The following CRACD variants were observed in gnomAD, a reference collection of about 807,000 sequenced individuals.
CRACD encodes the protein capping protein inhibiting regulator of actin dynamics.
Under a neutral mutation model 106.8 loss-of-function variants are expected in CRACD, and 56 were observed. The observed-to-expected ratio is 0.52, with a 90% CI of 0.42 to 0.66. The LOEUF is 0.66. Ranked by LOEUF, CRACD falls within the 30% of genes least tolerant of loss-of-function variation. CRACD has a pLI of 0.00. For synonymous variants in CRACD, 754 were observed against 670.8 expected (o/e 1.12, Z -1.92); for missense variants, 1,730 against 1,623.2 (o/e 1.07, Z -1.13).
At chr4:56,163,966 T>G (rs1339177216) in intron 1 of CRACD, among the ~76,000 whole-genome samples, 1 of 152,126 alleles carries the variant, frequency 6.6e-6, no homozygotes, top group Non-Finnish European at 1.5e-5. Context: ...CAGGCTGGTC[T>G]GGAGCTCCTG....
intron 2 of CRACD, among the ~76,000 whole-genome samples, chr4:56,236,103 CAG>C (rs918452151): frequency 2.6e-4 from 39 of 152,272 alleles, no homozygotes; most frequent in African/African-American, 9.4e-4. Flanking sequence ...AGGGTCTTTA[CAG>C]AGGTGTTGCA....
intron 1 of CRACD, among the ~76,000 whole-genome samples, chr4:56,142,353 CT>C (rs1735233372): frequency 6.6e-6 from 1 of 151,994 alleles, no homozygotes; most frequent in Non-Finnish European, 1.5e-5. Flanking sequence ...TGATTTATTT[CT>C]TTGTCTTTAT....
At chr4:56,189,974 C>T (rs1248864781) in intron 2 of CRACD, among the ~76,000 whole-genome samples, 1 of 109,134 alleles carries the variant, frequency 9.2e-6, no homozygotes, top group Non-Finnish European at 1.8e-5. Context: ...CCCCCCTCCC[C>T]CCACCCCACA....
chr4:56,214,681 C>CTCTCTCTCTCTATATATATATA, intron 2 of CRACD, among the ~76,000 whole-genome samples: 9 of 80,998 alleles, frequency 1.1e-4, no homozygotes, highest in Admixed American at 2.7e-4. Flanking sequence ...CTCTCTCTCT[C>CTCTCTCTCTCTATATATATATA]TATATATATA....
At chr4:56,286,015 A>G (rs1159092196) in intron 3 of CRACD, among the ~76,000 whole-genome samples, 1 of 152,190 alleles carries the variant, frequency 6.6e-6, no homozygotes, top group African/African-American at 2.4e-5. Context: ...TTAAATGCCA[A>G]GCAACCACTG....
rs1560546229 is a variant in CRACD, at chr4:56,327,715, G to C, written c.3613G>C (p.Ala1205Pro). The C allele has an allele frequency of 6.2e-7, 1 of 1,614,150 alleles. No individual in the cohort carries two copies. Among genetic ancestry groups the C allele is most frequent in the Admixed American group, 1.7e-5 (1 of 60,012 alleles). Residue 1205 changes from alanine (A) to proline (P), a missense_variant, in exon 11 of 11, where the codon GCT becomes CCT. Coordinates refer to ENST00000682029, the MANE Select transcript of CRACD (RefSeq NM_001393381.1). ...CACCAAGAGGTTTTCCACCCCGGAT[G>C]CTGCCCCCGTGTCAACAGAACCAGC... ...EVTKRFSTPD[A>P]APVSTEPAWL... is the part of the protein sequence containing the mutation.
chr4:56,082,904 A>AC (rs1733083884), intron 1 of CRACD, among the ~76,000 whole-genome samples: 2 of 152,218 alleles, frequency 1.3e-5, no homozygotes, highest in African/African-American at 2.4e-5. Context: ...AAAGTGCATT[A>AC]GAAAGGTTGG....
intron 2 of CRACD, among the ~76,000 whole-genome samples, chr4:56,241,599 A>G (rs1740370545): frequency 6.6e-6 from 1 of 152,224 alleles, no homozygotes; most frequent in South Asian, 2.1e-4. Context: ...ATGTAAAGAT[A>G]AGGAGGACAT....
At chr4:56,249,767 T>C (rs1371482636) in intron 2 of CRACD, among the ~76,000 whole-genome samples, 11 of 152,150 alleles carry the variant, frequency 7.2e-5, no homozygotes, top group East Asian at 1.9e-4. Context: ...TAGGAAATAG[T>C]TTGGTTTCTG....
chr4:56,125,768 T>C lies in CRACD; in HGVS notation c.-335-53516T>C, dbSNP rs1376526152. On this transcript the variant is annotated intron_variant, in intron 1 of 10. Transcript: ENST00000682029. ...TCTATTACTGTCATTCTTCTTCTTT[T>C]TTTTTTTTTTTTTTTTTTTTGAGAT... Among the ~76,000 whole-genome samples, 22 of 138,962 alleles carry C rather than the reference T, an allele frequency of 1.6e-4. No individual in the cohort carries two copies. In the South Asian group the frequency reaches 2.3e-3, roughly 14 times the overall value. The allele number at this position is 138,962 out of a possible 152,430, so 91.2% of individuals were successfully genotyped here. A position where few individuals can be genotyped will look rare whatever the true frequency, so the allele number is the denominator to read the frequency against.
chr4:56,118,867 G>A (rs975272108), intron 1 of CRACD, among the ~76,000 whole-genome samples: 1 of 152,046 alleles, frequency 6.6e-6, no homozygotes, highest in Non-Finnish European at 1.5e-5. Context: ...TTATACAGTG[G>A]CAATTCTATG....
In CRACD at chr4:56,227,015, C is replaced by T. The variant is rs192490460; in HGVS notation, c.-188-45306C>T. On this transcript the variant is annotated intron_variant, in intron 2 of 10. Transcript: ENST00000682029. ...CACCTCACCAGAAGCCAAGCAGATACTGGCACCATACTTCTTACACAGCCT... is the reference window on the plus strand; with the variant it reads ...CACCTCACCAGAAGCCAAGCAGATATTGGCACCATACTTCTTACACAGCCT... Among the ~76,000 whole-genome samples, 39 of 152,118 alleles carry T rather than the reference C, an allele frequency of 2.6e-4. 1 individual carries two copies. The highest frequency in any genetic ancestry group is 3.4e-3 in the Middle Eastern group (1 of 294).
chr4:56,140,143 A>G (rs1735142362), intron 1 of CRACD, among the ~76,000 whole-genome samples: 1 of 152,164 alleles, frequency 6.6e-6, no homozygotes, highest in East Asian at 1.9e-4. Flanking sequence ...TTAACATTTT[A>G]TGCCTCAGCT....
intron 1 of CRACD, among the ~76,000 whole-genome samples, chr4:56,178,475 G>A (rs931593521): frequency 2.0e-5 from 3 of 152,080 alleles, no homozygotes; most frequent in South Asian, 2.1e-4. Context: ...GTAGTCCTCC[G>A]AAGCCTTTAA....
At chr4:56,099,815 A>G (rs1733721844) in intron 1 of CRACD, among the ~76,000 whole-genome samples, 1 of 152,238 alleles carries the variant, frequency 6.6e-6, no homozygotes, top group Admixed American at 6.5e-5. Context: ...CTCTGTTAGC[A>G]GACACCATTG....
intron 1 of CRACD, among the ~76,000 whole-genome samples, chr4:56,123,178 G>C (rs568424124): frequency 6.6e-6 from 1 of 152,316 alleles, no homozygotes; most frequent in South Asian, 2.1e-4. Context: ...AGAGCTTACT[G>C]TGTGTGAGGC....
chr4:56,162,602 A>G (rs1735998651), intron 1 of CRACD, among the ~76,000 whole-genome samples: 1 of 152,248 alleles, frequency 6.6e-6, no homozygotes, highest in South Asian at 2.1e-4. Flanking sequence ...TTAAGAGCCA[A>G]GGCTAATACA....
At chr4:56,248,879 T>C (rs1577801141) in intron 2 of CRACD, among the ~76,000 whole-genome samples, 1 of 147,958 alleles carries the variant, frequency 6.8e-6, no homozygotes. Flanking sequence ...TCCAATTTCA[T>C]CCATGTCCCT....
intron 1 of CRACD, among the ~76,000 whole-genome samples, chr4:56,062,622 G>C (rs1005054051): frequency 2.0e-4 from 30 of 152,166 alleles, no homozygotes; most frequent in African/African-American, 7.2e-4. Context: ...TGGGAAGCTA[G>C]AGTGGTAGAC....
Sources: allele counts gnomAD v4.1 joint callset (sites outside exome capture counted in the v4.1 genomes callset), GRCh38; gene constraint gnomAD v4.1.1; transcripts MANE v1.5; gene names NCBI Gene and HGNC (gene_info 2026-07-23, HGNC 2026-07-21).